PTGS1: variants seen among roughly 807,000 people sequenced by gnomAD.
PTGS1 encodes prostaglandin-endoperoxide synthase 1.
PTGS1 carries 40 observed loss-of-function variants against 63.0 expected under a neutral mutation model. That is an observed-to-expected ratio of 0.63 (90% CI 0.49 to 0.83). The LOEUF (loss-of-function observed/expected upper bound fraction) is 0.83. Among genes scored for constraint, PTGS1 ranks in the 40% least tolerant of loss-of-function variants. PTGS1 has a pLI of 0.00. For synonymous variants in PTGS1, 298 were observed against 301.9 expected, an observed-to-expected ratio of 0.99 and a Z score of 0.13; for missense variants, 709 against 786.5, an observed-to-expected ratio of 0.90 and a Z score of 1.18.
At chr9:122,383,413 G>A (rs1224554484) in intron 7 of PTGS1, 96 bp from the exon 8 acceptor site, 8 of 1,498,478 alleles carry the variant, frequency 5.3e-6, no homozygotes, top group Non-Finnish European at 5.4e-6. Flanking sequence ...TTGGCTGAGG[G>A]GAACTGGCAG....
At chr9:122,378,381 C>T in intron 3 of PTGS1, 52 bp from the exon 4 acceptor site, 1 of 1,607,772 alleles carries the variant, frequency 6.2e-7, no homozygotes, top group Non-Finnish European at 8.5e-7. Context: ...ACCCTGGCTA[C>T]TTCTGGTTCT....
At position 122,392,221 on chromosome 9, in the gene PTGS1, T is replaced by C. The variant is rs1243678325; in HGVS notation, c.1477T>C (p.Leu493=). Residue 493 remains leucine (L), a synonymous_variant, in exon 11 of 11, where the codon TTG becomes CTG. Coordinates refer to ENST00000362012, the MANE Select transcript of PTGS1 (RefSeq NM_000962.4). The part of the protein sequence containing the change: ...EKEMAAELEE[L]YGDIDALEFY... ...GGAGATGGCAGCAGAGTTGGAGGAA[T>C]TGTATGGAGACATTGATGCGTTGGA... The C allele has an allele frequency of 1.3e-6, 2 of 1,599,912 alleles. No homozygotes were observed. The highest frequency in any genetic ancestry group is 3.4e-5 in the Admixed American group (2 of 59,590).
intron 2 of PTGS1, chr9:122,375,350 A>G: frequency 1.0e-6 from 1 of 985,480 alleles, no homozygotes; most frequent in Non-Finnish European, 1.2e-6. Context: ...CTGCCGAGGC[A>G]GAGCTCTAGG....
intron 2 of PTGS1, among the ~76,000 whole-genome samples, chr9:122,373,701 C>T (rs1836940918): frequency 6.6e-6 from 1 of 152,238 alleles, no homozygotes; most frequent in Admixed American, 6.5e-5. Context: ...GGTGCCTGCA[C>T]CTGCTCTCGC....
intron 2 of PTGS1, among the ~76,000 whole-genome samples, chr9:122,377,530 C>T (rs192539408): frequency 2.3e-4 from 35 of 150,360 alleles, no homozygotes; most frequent in African/African-American, 7.3e-4. Flanking sequence ...AGGAAGTGAA[C>T]GCTCTAGAAG....
intron 8 of PTGS1, 99 bp downstream of exon 8, chr9:122,383,854 T>A: frequency 6.7e-7 from 1 of 1,490,870 alleles, no homozygotes; most frequent in East Asian, 2.3e-5. Flanking sequence ...GGGATTAGAA[T>A]CCTCACCCTT....
intron 10 of PTGS1, among the ~76,000 whole-genome samples, chr9:122,391,348 T>A (rs1458879555): frequency 3.2e-5 from 3 of 92,382 alleles, no homozygotes; most frequent in Non-Finnish European, 5.7e-5. Context: ...ATATATATAC[T>A]ATATATATAC....
intron 8 of PTGS1, among the ~76,000 whole-genome samples, chr9:122,383,973 T>C (rs1837706933): frequency 3.9e-5 from 6 of 152,154 alleles, no homozygotes; most frequent in Admixed American, 3.3e-4. Flanking sequence ...ATTGAGATCA[T>C]GAATGGGAAG....
chr9:122,390,693 C>T (rs368076614), intron 10 of PTGS1, among the ~76,000 whole-genome samples: 1 of 152,114 alleles, frequency 6.6e-6, no homozygotes, highest in South Asian at 2.1e-4. Context: ...GTCAGGAAAT[C>T]GAGACCATCC....
chr9:122,381,841 G>A, intron 7 of PTGS1, 94 bp downstream of exon 7: 1 of 1,323,480 alleles, frequency 7.6e-7, no homozygotes, highest in South Asian at 1.2e-5. Context: ...GTCATGTCCT[G>A]AGAGGGCCAA....
At chr9:122,377,795 C>A in intron 2 of PTGS1, 104 bp from the exon 3 acceptor site, 1 of 1,021,932 alleles carries the variant, frequency 9.8e-7, no homozygotes, top group East Asian at 2.4e-5. Context: ...GACGGAGCTG[C>A]GACTTAAGTC....
At chr9:122,377,689 G>A (rs1370006858) in intron 2 of PTGS1, among the ~76,000 whole-genome samples, 1 of 152,186 alleles carries the variant, frequency 6.6e-6, no homozygotes, top group African/African-American at 2.4e-5. Context: ...TCCAGAGCAG[G>A]GCCTGGAAAT....
chr9:122,378,593 C>T lies in PTGS1; in HGVS notation c.352+20C>T. 6.2e-7 allele frequency: 1 copy of T among 1,614,100 alleles called. No homozygotes were observed. The highest frequency in any genetic ancestry group is 8.5e-7 in the Non-Finnish European group (1 of 1,179,960). On this transcript the variant is annotated intron_variant, in intron 4 of 10. Coordinates refer to ENST00000362012, the MANE Select transcript of PTGS1 (RefSeq NM_000962.4). ...TCACAGGTGGGTGTGGGGCAGGGCC[C>T]CCTGACCTGGGGGAGCAAGCAAGCC...
chr9:122,371,234 T>A lies in PTGS1; in HGVS notation c.56T>A (p.Leu19His). 6.2e-7 allele frequency: 1 copy of A among 1,607,720 alleles called. No homozygotes were observed. Residue 19 changes from leucine to histidine, a missense_variant, in exon 2 of 11, where the codon CTC becomes CAC. Transcript: ENST00000362012. Reference protein sequence around the residue: ...FLLFLLLLPPLPVLLADPGAP... With the variant: ...FLLFLLLLPPHPVLLADPGAP... ...CTGTTCCTGCTCCTGCTCCCGCCGC[T>A]CCCCGTCCTGCTCGCGGACCCAGGG...
At chr9:122,387,824 G>A (rs898591988) in intron 9 of PTGS1, among the ~76,000 whole-genome samples, 2 of 152,138 alleles carry the variant, frequency 1.3e-5, no homozygotes, top group South Asian at 2.1e-4. Context: ...CTCCACATTC[G>A]GAAGCTCCCA....
Position 122,383,679 on chromosome 9 carries a change from G to C in PTGS1, c.933G>C (p.Val311=). The change falls in exon 8 of 11, where the codon GTG becomes GTC. Residue 311 remains valine, a synonymous_variant. Transcript: ENST00000362012. ...ATLWLREHNR[V]CDLLKAEHPT... The stretch of plus-strand genomic sequence containing the variant: ...TCTGGCTACGTGAGCACAACCGTGT[G>C]TGTGACCTGCTGAAGGCTGAGCACC... 1 of 1,614,152 alleles carries C rather than the reference G, an allele frequency of 6.2e-7. No individual in the cohort carries two copies. The highest frequency in any genetic ancestry group is 8.5e-7 in the Non-Finnish European group (1 of 1,180,034).
chr9:122,388,609 A>C (rs12551233), intron 9 of PTGS1, among the ~76,000 whole-genome samples: 1 of 152,100 alleles, frequency 6.6e-6, no homozygotes, highest in South Asian at 2.1e-4. Flanking sequence ...TGGGAAGCTC[A>C]GAGCAACAGA....
intron 10 of PTGS1, 43 bp downstream of exon 10, chr9:122,390,388 C>T: frequency 1.2e-6 from 2 of 1,602,022 alleles, no homozygotes; most frequent in Non-Finnish European, 1.7e-6. Flanking sequence ...CCTTGAGGGA[C>T]TGGCAGCAAA....
chr9:122,385,319 G>C (rs558111948), intron 8 of PTGS1, among the ~76,000 whole-genome samples: 1 of 152,176 alleles, frequency 6.6e-6, no homozygotes, highest in South Asian at 2.1e-4. Flanking sequence ...GAGAGATTAA[G>C]TAACTCAGCC....
Sources: gnomAD v4.1 joint callset for allele counts (sites outside exome capture counted in the v4.1 genomes callset) on GRCh38, gnomAD v4.1.1 for gene constraint, MANE v1.5 for transcripts, NCBI Gene and HGNC (gene_info 2026-07-23, HGNC 2026-07-21) for gene names.